Variants in PDGFC observed in about 807,000 individuals in gnomAD.
PDGFC encodes the protein platelet derived growth factor C, also known as platelet-derived growth factor C.
In PDGFC, 12 loss-of-function variants were observed where a neutral mutation model predicts 35.5. That is an observed-to-expected ratio of 0.34 (90% CI 0.22 to 0.55). PDGFC has a LOEUF of 0.55. PDGFC is among the 20% of genes least tolerant of loss of function. PDGFC has a pLI of 0.91. For synonymous variants in PDGFC, 159 were observed against 148.8 expected (o/e 1.07, Z -0.50); for missense variants, 322 against 412.4 (o/e 0.78, Z 1.90).
At chr4:156,827,564 A>T (rs1348656967) in intron 2 of PDGFC, among the ~76,000 whole-genome samples, 1 of 152,200 alleles carries the variant, frequency 6.6e-6, no homozygotes, top group Non-Finnish European at 1.5e-5. Context: ...GTTCCTCTTC[A>T]GCAAAACAAA....
intron 5 of PDGFC, among the ~76,000 whole-genome samples, chr4:156,765,407 T>G (rs1028409932): frequency 2.0e-5 from 3 of 152,022 alleles, no homozygotes; most frequent in Non-Finnish European, 4.4e-5. Context: ...AGCCAGAGAT[T>G]GTGGAAGATA....
At chr4:156,824,997 C>T (rs75772090) in intron 2 of PDGFC, among the ~76,000 whole-genome samples, 9,058 of 152,096 alleles carry the variant, frequency 0.06, 885 homozygotes, top group African/African-American at 0.21. Flanking sequence ...AATACATGTG[C>T]CAACAACTAA....
intron 2 of PDGFC, among the ~76,000 whole-genome samples, chr4:156,815,691 C>T (rs889739597): frequency 6.6e-6 from 1 of 151,484 alleles, no homozygotes; most frequent in Non-Finnish European, 1.5e-5. Flanking sequence ...AAAACACAGT[C>T]ATCCTTAAAT....
At chr4:156,911,952 A>C (rs1383100369) in intron 1 of PDGFC, among the ~76,000 whole-genome samples, 1 of 152,172 alleles carries the variant, frequency 6.6e-6, no homozygotes, top group East Asian at 1.9e-4. Context: ...TGAATGTCTA[A>C]ATTTTTTGGC....
At chr4:156,829,587 CT>C (rs1728875359) in intron 2 of PDGFC, among the ~76,000 whole-genome samples, 1 of 152,090 alleles carries the variant, frequency 6.6e-6, no homozygotes, top group African/African-American at 2.4e-5. Flanking sequence ...CTTCAAAGTG[CT>C]TTAATATCTA....
At chr4:156,959,810 A>T (rs1732297115) in intron 1 of PDGFC, among the ~76,000 whole-genome samples, 1 of 151,992 alleles carries the variant, frequency 6.6e-6, no homozygotes, top group Non-Finnish European at 1.5e-5. Context: ...TAAAATCCAG[A>T]CACCCTAATT....
At chr4:156,866,096 T>C (rs1729834414) in intron 1 of PDGFC, among the ~76,000 whole-genome samples, 1 of 152,136 alleles carries the variant, frequency 6.6e-6, no homozygotes, top group African/African-American at 2.4e-5. Flanking sequence ...CCTAAGGCTA[T>C]CCCTCTCCAC....
chr4:156,775,107 A>G (rs1730793874), intron 3 of PDGFC, among the ~76,000 whole-genome samples: 2 of 152,122 alleles, frequency 1.3e-5, no homozygotes, highest in South Asian at 2.1e-4. Context: ...AGTGTTTTCT[A>G]TAATTGTCCA....
At chr4:156,806,767 C>T (rs76424165) in intron 3 of PDGFC, among the ~76,000 whole-genome samples, 9,161 of 152,028 alleles carry the variant, frequency 0.06, 389 homozygotes, top group Middle Eastern at 0.11. Context: ...GTTATTATTT[C>T]AGCCTTTTTA....
rs562234795 is a variant in PDGFC, at chr4:156,914,901, G to A, written c.118+55885C>T. 3.3e-4 allele frequency among the ~76,000 whole-genome samples: 50 copies of A among 151,896 alleles called. No homozygotes were observed. The South Asian group carries it at 9.2e-3, about 28-fold the overall frequency. On this transcript the variant is annotated intron_variant, in intron 1 of 5. Coordinates refer to ENST00000502773, the MANE Select transcript of PDGFC (RefSeq NM_016205.3). Reference sequence around the variant, plus strand: ...GACTGGCTTTACAATACCCAGGATTGGATAAAATTGACTAACAAACTTCCC... The same window carrying A: ...GACTGGCTTTACAATACCCAGGATTAGATAAAATTGACTAACAAACTTCCC...
intron 3 of PDGFC, among the ~76,000 whole-genome samples, chr4:156,805,460 G>A (rs1479222849): frequency 6.6e-6 from 1 of 151,976 alleles, no homozygotes; most frequent in Non-Finnish European, 1.5e-5. Flanking sequence ...TTTAACAATA[G>A]GGGAATGCAA....
chr4:156,790,086 T>C (rs920771686), intron 3 of PDGFC, among the ~76,000 whole-genome samples: 1 of 152,048 alleles, frequency 6.6e-6, no homozygotes, highest in Non-Finnish European at 1.5e-5. Context: ...GGATTCACCA[T>C]TTATCATTTT....
At chr4:156,894,404 A>C (rs1042971004) in intron 1 of PDGFC, among the ~76,000 whole-genome samples, 2 of 152,136 alleles carry the variant, frequency 1.3e-5, no homozygotes, top group African/African-American at 4.8e-5. Flanking sequence ...TCTCTCCATA[A>C]ATATGTCATA....
At chr4:156,800,339 T>C (rs1316100421) in intron 3 of PDGFC, among the ~76,000 whole-genome samples, 5 of 152,274 alleles carry the variant, frequency 3.3e-5, no homozygotes, top group East Asian at 1.9e-4. Flanking sequence ...ACACTAATCA[T>C]ACTTATCTTT....
intron 3 of PDGFC, among the ~76,000 whole-genome samples, chr4:156,794,062 G>C (rs1407052101): frequency 1.3e-5 from 2 of 152,090 alleles, no homozygotes; most frequent in Non-Finnish European, 2.9e-5. Context: ...ATAAAACATT[G>C]TCCTATTCCA....
intron 1 of PDGFC, among the ~76,000 whole-genome samples, chr4:156,942,320 T>C (rs1179272210): frequency 6.6e-6 from 1 of 152,144 alleles, no homozygotes; most frequent in African/African-American, 2.4e-5. Flanking sequence ...ATGTACTTTA[T>C]TTTTCTAGCT....
intron 1 of PDGFC, among the ~76,000 whole-genome samples, chr4:156,952,948 A>T (rs1171975817): frequency 6.6e-6 from 1 of 151,940 alleles, no homozygotes; most frequent in Non-Finnish European, 1.5e-5. Context: ...GGTTTAAGAC[A>T]ATTATTTACA....
chr4:156,782,866 AC>A (rs1418320299), intron 3 of PDGFC, among the ~76,000 whole-genome samples: 1 of 152,156 alleles, frequency 6.6e-6, no homozygotes, highest in Admixed American at 6.5e-5. Flanking sequence ...ACTATATTAT[AC>A]TCCTGTCACG....
At chr4:156,779,181 T>C in intron 3 of PDGFC, 2 of 456,218 alleles carry the variant, frequency 4.4e-6, no homozygotes, top group South Asian at 3.1e-5. Context: ...AAGAATGTCC[T>C]GAAACAATTC....
Sources: gnomAD v4.1 joint callset for allele counts (sites outside exome capture counted in the v4.1 genomes callset) on GRCh38, gnomAD v4.1.1 for gene constraint, MANE v1.5 for transcripts, NCBI Gene and HGNC (gene_info 2026-07-23, HGNC 2026-07-21) for gene names.